KANK1: variants seen among roughly 807,000 people sequenced by gnomAD.
The protein encoded by KANK1 is KN motif and ankyrin repeat domains 1, also known as KN motif and ankyrin repeat domain-containing protein 1.
In KANK1, 109 loss-of-function variants were observed where a neutral mutation model predicts 106.2. That is an observed-to-expected ratio of 1.03 (90% CI 0.88 to 1.20). KANK1 has a LOEUF of 1.20. KANK1 is among the 50% of genes most tolerant of loss of function. The pLI is 0.00. For missense variants in KANK1, 2,399 were observed against 1,710.7 expected (o/e 1.40, Z -7.10); for synonymous variants, 873 against 652.2 (o/e 1.34, Z -5.16).
chr9:610,840 G>C (rs921626945), intron 1 of KANK1, among the ~76,000 whole-genome samples: 1 of 152,138 alleles, frequency 6.6e-6, no homozygotes, highest in African/African-American at 2.4e-5. Flanking sequence ...CATGTTTGTG[G>C]TTATTTTTCT....
chr9:543,683 C>T (rs1047089901), intron 1 of KANK1, among the ~76,000 whole-genome samples: 4 of 152,094 alleles, frequency 2.6e-5, no homozygotes, highest in African/African-American at 9.7e-5. Context: ...AGAAAATGAC[C>T]ATTGTGCATT....
At chr9:657,397 G>A (rs183724227) in intron 1 of KANK1, among the ~76,000 whole-genome samples, 1 of 101,938 alleles carries the variant, frequency 9.8e-6, no homozygotes. Context: ...CCAGAAGTAG[G>A]GTTCTTGAAT....
At chr9:735,080 C>T (rs577219558) in intron 7 of KANK1, among the ~76,000 whole-genome samples, 1 of 152,322 alleles carries the variant, frequency 6.6e-6, no homozygotes, top group African/African-American at 2.4e-5. Flanking sequence ...GTGGAGGCAT[C>T]TGTGAGGCGT....
At chr9:481,453 C>T (rs1296920843) in intron 3 of KANK1, among the ~76,000 whole-genome samples, 2 of 152,162 alleles carry the variant, frequency 1.3e-5, no homozygotes, top group African/African-American at 4.8e-5. Flanking sequence ...AAAAATAATG[C>T]ACTTTTATCT....
chr9:644,667 C>G (rs1839257002), intron 1 of KANK1, among the ~76,000 whole-genome samples: 1 of 150,830 alleles, frequency 6.6e-6, no homozygotes, highest in Non-Finnish European at 1.5e-5. Flanking sequence ...AACTCTGCCC[C>G]CATGATCCAA....
intron 1 of KANK1, among the ~76,000 whole-genome samples, chr9:573,250 TA>T (rs1819660722): frequency 6.6e-6 from 1 of 152,080 alleles, no homozygotes; most frequent in African/African-American, 2.4e-5. Flanking sequence ...ATCTAATAAA[TA>T]AAAATGAGGA....
Position 742,321 on chromosome 9 carries a change from C to G in KANK1, c.3813C>G (p.Leu1271=). The G allele has an allele frequency of 6.2e-7, 1 of 1,614,140 alleles. No individual in the cohort carries two copies. Among genetic ancestry groups the G allele is most frequent in the Non-Finnish European group, 8.5e-7 (1 of 1,180,004 alleles). Residue 1271 remains leucine (L), a synonymous_variant, in exon 10 of 12, where the codon CTC becomes CTG. Coordinates refer to ENST00000382297, the MANE Select transcript of KANK1 (RefSeq NM_015158.5). ...NIQDDEGSTA[L]MCASEHGHVE... ...AGGATGACGAGGGCTCCACGGCCCT[C>G]ATGTGTGCCAGCGAGCACGGACACG...
At chr9:742,052 C>G (rs1835729695) in intron 9 of KANK1, among the ~76,000 whole-genome samples, 153 bp from the exon 10 acceptor site, 1 of 152,148 alleles carries the variant, frequency 6.6e-6, no homozygotes, top group Non-Finnish European at 1.5e-5. Flanking sequence ...CTGGTTTCTC[C>G]CTGCTTGCCA....
chr9:560,505 G>A (rs1816110315), intron 1 of KANK1, among the ~76,000 whole-genome samples: 1 of 152,224 alleles, frequency 6.6e-6, no homozygotes, highest in Non-Finnish European at 1.5e-5. Flanking sequence ...TGGGCAGGAT[G>A]TAGGGAGACT....
In KANK1 at chr9:577,428, G is replaced by C. The variant is rs546619145; in HGVS notation, c.-84+72674G>C. ...TTAGACACAGAGCGCTGATTGGTGC[G>C]TTTTTACAGAGTGCTGATTGGCGCG... On this transcript the variant is annotated intron_variant, in intron 1 of 11. Transcript: ENST00000382297. 9.2e-5 allele frequency among the ~76,000 whole-genome samples: 14 copies of C among 152,254 alleles called. No homozygotes were observed. The East Asian group carries it at 1.9e-3, about 21-fold the overall frequency.
chr9:511,003 G>A (rs1314524242), intron 1 of KANK1, among the ~76,000 whole-genome samples: 2 of 152,178 alleles, frequency 1.3e-5, no homozygotes, highest in Non-Finnish European at 2.9e-5. Flanking sequence ...GGAAATCAGA[G>A]ACTAGAAAGC....
chr9:581,210 A>G (rs1223670482), intron 1 of KANK1, among the ~76,000 whole-genome samples: 2 of 152,186 alleles, frequency 1.3e-5, no homozygotes, highest in Non-Finnish European at 2.9e-5. Context: ...GCCAGCCCAG[A>G]GAGGGGCTCC....
intron 1 of KANK1, among the ~76,000 whole-genome samples, chr9:653,686 C>T (rs1450611819): frequency 1.3e-5 from 2 of 152,116 alleles, no homozygotes; most frequent in East Asian, 3.9e-4. Context: ...CCCCTGTTTT[C>T]AAGCAGTTCT....
chr9:730,372 G>C, intron 4 of KANK1, 124 bp downstream of exon 4: 2 of 1,017,168 alleles, frequency 2.0e-6, no homozygotes, highest in South Asian at 1.5e-5. Flanking sequence ...TTATTTGGAA[G>C]GTAGGCCCAG....
intron 1 of KANK1, among the ~76,000 whole-genome samples, chr9:576,435 C>T (rs1029959370): frequency 6.6e-6 from 1 of 152,202 alleles, no homozygotes. Context: ...CTCTGCTAGG[C>T]ACTGTGCCTA....
chr9:519,109 C>CA (rs2133153218), intron 1 of KANK1, among the ~76,000 whole-genome samples: 1 of 151,764 alleles, frequency 6.6e-6, no homozygotes, highest in African/African-American at 2.4e-5. Flanking sequence ...AGGCTGGTCT[C>CA]AAACTCCCAA....
chr9:740,299 C>A (rs983996951), intron 8 of KANK1, among the ~76,000 whole-genome samples: 3 of 152,130 alleles, frequency 2.0e-5, no homozygotes, highest in African/African-American at 7.2e-5. Flanking sequence ...TTTCAGGACC[C>A]CCGACAGGCC....
chr9:498,019 C>A (rs914669420), intron 3 of KANK1, among the ~76,000 whole-genome samples: 3 of 152,078 alleles, frequency 2.0e-5, no homozygotes, highest in African/African-American at 7.2e-5. Flanking sequence ...TGCCATATAC[C>A]CTCTTAGGCC....
rs936803160 is a variant in KANK1, at chr9:647,009, T to C, written c.-83-29881T>C. Among the ~76,000 whole-genome samples, 8 of 151,166 alleles carry C rather than the reference T, an allele frequency of 5.3e-5. 1 individual carries two copies. The highest frequency in any genetic ancestry group is 2.0e-4 in the African/African-American group (8 of 40,476). On this transcript the variant is annotated intron_variant, in intron 1 of 11. Coordinates refer to ENST00000382297, the MANE Select transcript of KANK1 (RefSeq NM_015158.5). ...TACTATGCACACCCCTTAAACATCA[T>C]TGTAAAAATCACTTCCCTTGCTATA... is the stretch of plus-strand genomic sequence containing the variant.
Sources: allele counts gnomAD v4.1 joint callset (sites outside exome capture counted in the v4.1 genomes callset), GRCh38; gene constraint gnomAD v4.1.1; transcripts MANE v1.5; gene names NCBI Gene and HGNC (gene_info 2026-07-23, HGNC 2026-07-21).